DEPTOR: variants seen among roughly 807,000 people sequenced by gnomAD.
The protein encoded by DEPTOR is DEP domain-containing mTOR-interacting protein.
DEPTOR carries 41 observed loss-of-function variants against 41.6 expected under a neutral mutation model. That is an observed-to-expected ratio of 0.98 (90% CI 0.77 to 1.28). The LOEUF (loss-of-function observed/expected upper bound fraction) is 1.28. DEPTOR is among the 50% of genes most tolerant of loss of function. The probability of loss-of-function intolerance (pLI) is 0.00; values close to 1 mark genes in which losing one functional copy is unlikely to be tolerated. For synonymous variants in DEPTOR, 195 were observed against 192.3 expected (o/e 1.01, Z -0.12); for missense variants, 514 against 527.9 (o/e 0.97, Z 0.26).
At chr8:120,007,017 C>T (rs1430254080) in intron 7 of DEPTOR, 142 bp downstream of exon 7, 1 of 750,666 alleles carries the variant, frequency 1.3e-6, no homozygotes, top group Non-Finnish European at 2.2e-6. Flanking sequence ...TGATACTAGG[C>T]TTTCTTGACC....
Position 119,944,846 on chromosome 8 carries a change from G to A in DEPTOR, c.425+14908G>A, listed in dbSNP as rs180684177. Reference sequence around the variant, plus strand: ...ATTTTTTGTATTTTTAGTAGAGACAGGGTTTAACCATGTTGGCCAGGATGG... The same window carrying A: ...ATTTTTTGTATTTTTAGTAGAGACAAGGTTTAACCATGTTGGCCAGGATGG... On this transcript the variant is annotated intron_variant, in intron 3 of 8. Coordinates refer to ENST00000286234, the MANE Select transcript of DEPTOR (RefSeq NM_022783.4). Among the ~76,000 whole-genome samples, 681 of 152,142 alleles carry A rather than the reference G, an allele frequency of 4.5e-3. 3 individuals carry two copies. Among genetic ancestry groups the A allele is most frequent in the African/African-American group, 0.016 (648 of 41,512 alleles).
intron 4 of DEPTOR, among the ~76,000 whole-genome samples, chr8:120,000,202 A>C (rs1246708406): frequency 1.3e-5 from 2 of 152,098 alleles, no homozygotes; most frequent in Non-Finnish European, 2.9e-5. Flanking sequence ...GGTTCTTAGC[A>C]TATTTACAGA....
chr8:119,905,709 C>T (rs1012838012), intron 1 of DEPTOR, among the ~76,000 whole-genome samples: 1 of 150,116 alleles, frequency 6.7e-6, no homozygotes, highest in African/African-American at 2.5e-5. Flanking sequence ...GGTATGATCT[C>T]GGCTTACTAC....
intron 8 of DEPTOR, among the ~76,000 whole-genome samples, chr8:120,020,901 A>G (rs1049664395): frequency 1.3e-5 from 2 of 151,646 alleles, no homozygotes; most frequent in African/African-American, 4.8e-5. Context: ...TCTACTAAAA[A>G]TACAAAAAAT....
At position 119,941,453 on chromosome 8, in the gene DEPTOR, A is replaced by G. The variant is rs548428637; in HGVS notation, c.425+11515A>G. 2.8e-4 allele frequency among the ~76,000 whole-genome samples: 42 copies of G among 152,086 alleles called. 1 individual carries two copies. The South Asian group carries it at 8.5e-3, about 31-fold the overall frequency. ...ATTTTACCACAATAAAAAATAAAGTAAATCAATATTTTAAAACACACAAAA... is the reference window on the plus strand; with the variant it reads ...ATTTTACCACAATAAAAAATAAAGTGAATCAATATTTTAAAACACACAAAA... On this transcript the variant is annotated intron_variant, in intron 3 of 8. Transcript: ENST00000286234.
At chr8:119,922,423 C>G (rs571987346) in intron 1 of DEPTOR, among the ~76,000 whole-genome samples, 1 of 152,234 alleles carries the variant, frequency 6.6e-6, no homozygotes, top group East Asian at 1.9e-4. Flanking sequence ...GGATTCCTGA[C>G]AGACATCACA....
chr8:119,916,144 C>T (rs577441186), intron 1 of DEPTOR, among the ~76,000 whole-genome samples: 13 of 152,074 alleles, frequency 8.5e-5, no homozygotes, highest in East Asian at 1.9e-4. Flanking sequence ...AACGGGTGGA[C>T]GCTGGAGTGC....
chr8:119,998,237 C>T (rs1193369378), intron 4 of DEPTOR, among the ~76,000 whole-genome samples: 2 of 152,130 alleles, frequency 1.3e-5, no homozygotes, highest in African/African-American at 4.8e-5. Flanking sequence ...TAAAGACATG[C>T]ACCATGCCTG....
chr8:119,915,869 C>T (rs1203512507), intron 1 of DEPTOR, among the ~76,000 whole-genome samples: 4 of 150,850 alleles, frequency 2.7e-5, no homozygotes, highest in Admixed American at 1.3e-4. Flanking sequence ...TCTTTCTAAT[C>T]CTTTAACAAA....
chr8:119,958,046 G>A (rs1828441758), intron 3 of DEPTOR, among the ~76,000 whole-genome samples: 1 of 152,170 alleles, frequency 6.6e-6, no homozygotes, highest in East Asian at 1.9e-4. Context: ...CTTTGCCACT[G>A]CTTATTCATA....
chr8:119,924,950 T>C (rs1195469112), intron 1 of DEPTOR, among the ~76,000 whole-genome samples: 1 of 152,162 alleles, frequency 6.6e-6, no homozygotes, highest in Non-Finnish European at 1.5e-5. Context: ...AATAAAGGCA[T>C]ACCTGAGGCT....
intron 4 of DEPTOR, among the ~76,000 whole-genome samples, chr8:119,975,491 G>T (rs1197659446): frequency 6.6e-6 from 1 of 152,196 alleles, no homozygotes; most frequent in Non-Finnish European, 1.5e-5. Flanking sequence ...GGAGCACAGT[G>T]CGGAGTCGGT....
chr8:119,916,756 C>T (rs1401356145), intron 1 of DEPTOR, among the ~76,000 whole-genome samples: 4 of 152,152 alleles, frequency 2.6e-5, no homozygotes, highest in Admixed American at 6.5e-5. Context: ...TGTAAGAGTG[C>T]ATCTGGTTGT....
At position 119,966,946 on chromosome 8, in the gene DEPTOR, A is replaced by G. The variant is rs150582304; in HGVS notation, c.604+1536A>G. Among the ~76,000 whole-genome samples the G allele has an allele frequency of 1.7e-4, 26 of 152,334 alleles. No homozygotes were observed. In the East Asian group the frequency reaches 5.0e-3, roughly 29 times the overall value. ...ATTGGACAAAAAGGGTATGATCTAA[A>G]GTTAATAGACTGAGTAGAGCAGCCC... On this transcript the variant is annotated intron_variant, in intron 4 of 8. Coordinates refer to ENST00000286234, the MANE Select transcript of DEPTOR (RefSeq NM_022783.4).
intron 4 of DEPTOR, among the ~76,000 whole-genome samples, chr8:119,965,703 C>T (rs761543224): frequency 2.0e-5 from 3 of 152,154 alleles, no homozygotes; most frequent in Admixed American, 6.5e-5. Context: ...AAAGTTGCTG[C>T]TTGGATGTGA....
intron 3 of DEPTOR, among the ~76,000 whole-genome samples, chr8:119,955,955 G>T (rs549853469): frequency 4.0e-4 from 61 of 152,146 alleles, no homozygotes; most frequent in African/African-American, 1.4e-3. Context: ...CTTGAGCCCC[G>T]CATCACCAGG....
intron 4 of DEPTOR, among the ~76,000 whole-genome samples, chr8:119,999,061 T>G: frequency 6.6e-6 from 1 of 151,728 alleles, no homozygotes; most frequent in Non-Finnish European, 1.5e-5. Context: ...GTTGGGAGTT[T>G]GAAACCAGCC....
chr8:120,001,854 T>G (rs1812356300), intron 5 of DEPTOR, 144 bp downstream of exon 5: 4 of 1,032,644 alleles, frequency 3.9e-6, no homozygotes, highest in South Asian at 2.5e-5. Context: ...AAAAAAATTC[T>G]GAAACCCTAA....
chr8:120,000,471 G>A (rs1487131401), intron 4 of DEPTOR, among the ~76,000 whole-genome samples: 1 of 151,920 alleles, frequency 6.6e-6, no homozygotes, highest in East Asian at 2.0e-4. Context: ...AAGTTATTTT[G>A]GTTTTTTCTG....
Sources: allele counts gnomAD v4.1 joint callset (sites outside exome capture counted in the v4.1 genomes callset), GRCh38; gene constraint gnomAD v4.1.1; transcripts MANE v1.5; gene names NCBI Gene and HGNC (gene_info 2026-07-23, HGNC 2026-07-21).